MELK: variants seen among roughly 807,000 people sequenced by gnomAD.
The protein encoded by MELK is maternal embryonic leucine zipper kinase, also known as pEg3 kinase.
MELK carries 81 observed loss-of-function variants against 85.0 expected under a neutral mutation model. That is an observed-to-expected ratio of 0.95 (90% CI 0.80 to 1.15). The LOEUF (loss-of-function observed/expected upper bound fraction) is 1.15. Among genes scored for constraint, MELK ranks in the 50% most tolerant of loss-of-function variants. The probability of loss-of-function intolerance (pLI) is 0.00; values close to 1 mark genes in which losing one functional copy is unlikely to be tolerated. For synonymous variants in MELK, 252 were observed against 265.0 expected (o/e 0.95, Z 0.48); for missense variants, 754 against 777.5 (o/e 0.97, Z 0.36).
At chr9:36,652,907 T>C (rs983417809) in intron 12 of MELK, among the ~76,000 whole-genome samples, 1 of 152,044 alleles carries the variant, frequency 6.6e-6, no homozygotes, top group Admixed American at 6.6e-5. Flanking sequence ...GACACATTAT[T>C]GAATTGCAGA....
intron 8 of MELK, among the ~76,000 whole-genome samples, chr9:36,626,479 C>T (rs2483636): frequency 0.23 from 34,427 of 151,980 alleles, 6,339 homozygotes; most frequent in African/African-American, 0.51. Context: ...TAGTCACTTA[C>T]GTTTTTAGAT....
chr9:36,616,789 T>G (rs1182758080), intron 8 of MELK, among the ~76,000 whole-genome samples: 2 of 151,950 alleles, frequency 1.3e-5, no homozygotes, highest in Non-Finnish European at 2.9e-5. Flanking sequence ...AATTTTATAT[T>G]TATATATTTT....
At chr9:36,609,064 G>A (rs1173565378) in intron 8 of MELK, among the ~76,000 whole-genome samples, 1 of 152,096 alleles carries the variant, frequency 6.6e-6, no homozygotes, top group Non-Finnish European at 1.5e-5. Context: ...ATCACCTACT[G>A]TAAGCTTTGT....
intron 1 of MELK, among the ~76,000 whole-genome samples, chr9:36,580,798 G>A (rs926632685): frequency 1.4e-5 from 2 of 147,956 alleles, no homozygotes; most frequent in East Asian, 2.0e-4. Context: ...GCACGATGTC[G>A]GCTCACTGCA....
Position 36,671,971 on chromosome 9 carries a change from A to G in MELK, c.1674+805A>G, listed in dbSNP as rs568275385. 1.4e-3 allele frequency among the ~76,000 whole-genome samples: 220 copies of G among 152,268 alleles called. 2 individuals are homozygous for G. The Middle Eastern group carries it at 0.044, about 31-fold the overall frequency. On this transcript the variant is annotated intron_variant, in intron 16 of 17. Coordinates refer to ENST00000298048, the MANE Select transcript of MELK (RefSeq NM_014791.4). ...CAGTGCTATAGTAAAAACACATTCC[A>G]AGAGGTGTGGGCCCAAGCAGGGGAG...
chr9:36,623,975 AT>A lies in MELK; in HGVS notation c.667-6321del, dbSNP rs1210929948. On this transcript the variant is annotated intron_variant, in intron 8 of 17. Coordinates refer to ENST00000298048, the MANE Select transcript of MELK (RefSeq NM_014791.4). ...ATCAGCAGCAGCAGTCGAAGCTAAC[AT>A]TTATCAAGCTCTTACTGTGTCCATG... is the stretch of plus-strand genomic sequence containing the variant. 4.6e-5 allele frequency among the ~76,000 whole-genome samples: 7 copies of A among 152,264 alleles called. No homozygotes were observed. The East Asian group carries it at 1.3e-3, about 29-fold the overall frequency.
intron 9 of MELK, among the ~76,000 whole-genome samples, 183 bp downstream of exon 9, chr9:36,630,550 A>G (rs1038851066): frequency 3.3e-5 from 5 of 152,036 alleles, no homozygotes; most frequent in Non-Finnish European, 7.4e-5. Context: ...TTAGACACCT[A>G]CCATATGTTA....
At chr9:36,581,531 G>GT (rs1469153032) in intron 1 of MELK, 113 bp from the exon 2 acceptor site, 7 of 576,596 alleles carry the variant, frequency 1.2e-5, no homozygotes, top group Non-Finnish European at 2.2e-5. Flanking sequence ...CCAATAATCA[G>GT]TTTTTTCAGT....
chr9:36,600,971 ATTTACATTTTTCCTTATTTGCT>A (rs1158651808), intron 7 of MELK, among the ~76,000 whole-genome samples: 1 of 152,024 alleles, frequency 6.6e-6, no homozygotes, highest in East Asian at 1.9e-4. Context: ...ATTCACAGTT[ATTTACATTTTTCCTTATTTGCT>A]TTATCATTCT....
chr9:36,644,554 C>G (rs1302492466), intron 11 of MELK, among the ~76,000 whole-genome samples: 1 of 151,946 alleles, frequency 6.6e-6, no homozygotes, highest in African/African-American at 2.4e-5. Flanking sequence ...ATGGATAATG[C>G]CTTTAGGGAA....
intron 16 of MELK, 45 bp from the exon 17 acceptor site, chr9:36,674,789 T>C: frequency 8.8e-7 from 1 of 1,140,962 alleles, no homozygotes; most frequent in East Asian, 2.4e-5. Context: ...GGTCTTTGTG[T>C]TGATGTAAAA....
At chr9:36,579,580 G>A (rs1407176587) in intron 1 of MELK, among the ~76,000 whole-genome samples, 1 of 152,236 alleles carries the variant, frequency 6.6e-6, no homozygotes, top group African/African-American at 2.4e-5. Flanking sequence ...AGTGCCAAGG[G>A]CAGGTTTGGC....
intron 4 of MELK, 21 bp from the exon 5 acceptor site, chr9:36,594,605 CTG>C: frequency 6.2e-7 from 1 of 1,603,180 alleles, no homozygotes. Context: ...GTAACAATAT[CTG>C]TGATTCCATT....
intron 10 of MELK, among the ~76,000 whole-genome samples, chr9:36,642,058 C>G (rs969490230): frequency 4.6e-5 from 7 of 152,114 alleles, no homozygotes; most frequent in African/African-American, 1.7e-4. Context: ...TTCTGAGAAC[C>G]CATTTCCAGC....
chr9:36,651,785 C>T lies in MELK; in HGVS notation c.961C>T (p.Leu321=), dbSNP rs753359903. Residue 321 remains leucine, a synonymous_variant, in exon 12 of 18, where the codon CTA becomes TTA. Transcript: ENST00000298048. ...DHLTATYLLL[L]AKKARGKPVR... ...CCTCACGGCTACCTATCTTCTGCTT[C>T]TAGCCAAGAAGGCTCGGGGAAAACC... is the stretch of plus-strand genomic sequence containing the variant. The T allele has an allele frequency of 8.1e-6, 13 of 1,613,926 alleles. No individual in the cohort carries two copies. The East Asian group carries it at 2.7e-4, about 33-fold the overall frequency.
At chr9:36,668,800 A>G (rs573108076) in intron 14 of MELK, among the ~76,000 whole-genome samples, 3 of 152,344 alleles carry the variant, frequency 2.0e-5, no homozygotes, top group African/African-American at 7.2e-5. Context: ...GGCATGAGCC[A>G]CTGTGCCTGG....
intron 7 of MELK, among the ~76,000 whole-genome samples, chr9:36,601,621 T>C (rs1824935168): frequency 6.6e-6 from 1 of 152,218 alleles, no homozygotes; most frequent in South Asian, 2.1e-4. Context: ...TTAAAATGTA[T>C]AGTTTAGTAG....
At chr9:36,618,126 A>T (rs948093660) in intron 8 of MELK, among the ~76,000 whole-genome samples, 9 of 123,244 alleles carry the variant, frequency 7.3e-5, no homozygotes, top group Non-Finnish European at 1.5e-4. Context: ...CCATGTCTTT[A>T]AAAAAAAAAA....
chr9:36,660,491 CA>C (rs938611623), intron 13 of MELK, among the ~76,000 whole-genome samples: 3 of 151,884 alleles, frequency 2.0e-5, no homozygotes, highest in Admixed American at 1.3e-4. Context: ...CTAATTTTTA[CA>C]AAATTATTTT....
Sources: gnomAD v4.1 joint callset for allele counts (sites outside exome capture counted in the v4.1 genomes callset) on GRCh38, gnomAD v4.1.1 for gene constraint, MANE v1.5 for transcripts, NCBI Gene and HGNC (gene_info 2026-07-23, HGNC 2026-07-21) for gene names.